GRID2: variants seen among roughly 807,000 people sequenced by gnomAD.
The protein encoded by GRID2 is glutamate ionotropic receptor delta type subunit 2, also known as glutamate receptor ionotropic, delta-2.
In GRID2, 33 loss-of-function variants were observed where a neutral mutation model predicts 114.8. The ratio of observed to expected loss-of-function variants is 0.29; its 90% CI spans 0.22 to 0.38. The LOEUF (loss-of-function observed/expected upper bound fraction) is 0.38. GRID2 is among the 10% of genes least tolerant of loss of function. GRID2 has a pLI of 1.00. For synonymous variants in GRID2, 505 were observed against 449.9 expected (o/e 1.12, Z -1.55); for missense variants, 1,184 against 1,257.7 (o/e 0.94, Z 0.89).
intron 2 of GRID2, among the ~76,000 whole-genome samples, chr4:92,810,740 C>A (rs549503773): frequency 1.3e-5 from 2 of 152,074 alleles, no homozygotes; most frequent in South Asian, 4.2e-4. Context: ...TAGCAGGAAT[C>A]AAGGTTTTAA....
intron 2 of GRID2, among the ~76,000 whole-genome samples, chr4:92,901,566 G>A (rs758258352): frequency 6.6e-6 from 1 of 151,986 alleles, no homozygotes; most frequent in Non-Finnish European, 1.5e-5. Flanking sequence ...ATTTACCTAG[G>A]CCAATGTCCA....
rs1402682228 is a variant in GRID2 at position 93,774,226 on chromosome 4, A to C, written c.*1728A>C. On this transcript the variant is annotated 3_prime_UTR_variant, in exon 16 of 16. Transcript: ENST00000282020. ...ACTGTGTAAGGCAGAAAAATTTCTT[A>C]TCATGCAAAAACCATTTTGTTTCCA... 6.6e-6 allele frequency: 1 copy of C among 152,116 alleles called. No individual in the cohort carries two copies. The highest frequency in any genetic ancestry group is 2.4e-5 in the African/African-American group (1 of 41,434). The allele number at this position is 152,116 out of a possible 1,614,324, so 9.4% of individuals were successfully genotyped here. A position where few individuals can be genotyped will look rare whatever the true frequency, so the allele number is the denominator to read the frequency against.
chr4:93,418,791 AC>A lies in GRID2; in HGVS notation c.1348-3978del, dbSNP rs1323129539. Reference sequence around the variant, plus strand: ...ATCATGTTACACCTAAAGTAATATTACCTTTTTCTAGAGAGGATTGTGTTTT... The same window carrying A: ...ATCATGTTACACCTAAAGTAATATTACTTTTTCTAGAGAGGATTGTGTTTT... On this transcript the variant is annotated intron_variant, in intron 9 of 15. Coordinates refer to ENST00000282020, the MANE Select transcript of GRID2 (RefSeq NM_001510.4). 3.3e-5 allele frequency among the ~76,000 whole-genome samples: 5 copies of A among 152,166 alleles called. No individual in the cohort carries two copies. In the East Asian group the frequency reaches 9.7e-4, roughly 29 times the overall value.
chr4:93,763,967 G>T (rs533366457), intron 14 of GRID2, among the ~76,000 whole-genome samples: 1 of 152,274 alleles, frequency 6.6e-6, no homozygotes, highest in East Asian at 1.9e-4. Flanking sequence ...GACAGCGATG[G>T]TATTTAAGGA....
chr4:93,097,005 G>T (rs1171695768), intron 3 of GRID2, among the ~76,000 whole-genome samples: 1 of 151,966 alleles, frequency 6.6e-6, no homozygotes, highest in Non-Finnish European at 1.5e-5. Context: ...AAGAAACACT[G>T]AGTTAAGTGA....
chr4:93,481,401 G>A (rs1725849316), intron 11 of GRID2, among the ~76,000 whole-genome samples: 1 of 152,058 alleles, frequency 6.6e-6, no homozygotes, highest in Non-Finnish European at 1.5e-5. Flanking sequence ...CTGTGCTACA[G>A]TCAAGCCTTA....
intron 2 of GRID2, among the ~76,000 whole-genome samples, chr4:92,795,006 C>G (rs1739793329): frequency 6.7e-6 from 1 of 149,982 alleles, no homozygotes; most frequent in Admixed American, 6.7e-5. Flanking sequence ...AAAATATATT[C>G]ACTATTAATT....
intron 2 of GRID2, among the ~76,000 whole-genome samples, chr4:92,891,510 G>A (rs985824538): frequency 6.6e-6 from 1 of 152,132 alleles, no homozygotes; most frequent in African/African-American, 2.4e-5. Flanking sequence ...AAGAAAGGGA[G>A]AGGTTGCCTT....
intron 2 of GRID2, among the ~76,000 whole-genome samples, chr4:92,844,735 A>G (rs1330177641): frequency 6.6e-6 from 1 of 151,858 alleles, no homozygotes; most frequent in East Asian, 1.9e-4. Flanking sequence ...GAAAAAAAAA[A>G]GATTGAATTT....
At chr4:92,954,033 T>C (rs1752210387) in intron 2 of GRID2, among the ~76,000 whole-genome samples, 1 of 152,168 alleles carries the variant, frequency 6.6e-6, no homozygotes, top group Admixed American at 6.6e-5. Flanking sequence ...TTTAACAGTT[T>C]TCTCATTGGT....
intron 2 of GRID2, among the ~76,000 whole-genome samples, chr4:93,074,238 T>C (rs954713044): frequency 9.9e-5 from 15 of 152,152 alleles, no homozygotes; most frequent in African/African-American, 2.9e-4. Context: ...AACAGCCTGG[T>C]AGGAGGAGAG....
In GRID2 at chr4:93,598,230, T is replaced by C. The variant is rs569472681; in HGVS notation, c.2194-28039T>C. ...ACTCTGTGTTCTTAGATCCAAATGA[T>C]ATCACTTATTGTTATAGCTTCCATT... On this transcript the variant is annotated intron_variant, in intron 13 of 15. Coordinates refer to ENST00000282020, the MANE Select transcript of GRID2 (RefSeq NM_001510.4). Among the ~76,000 whole-genome samples, 24 of 152,330 alleles carry C rather than the reference T, an allele frequency of 1.6e-4. No homozygotes were observed. The South Asian group carries it at 4.8e-3, about 30-fold the overall frequency.
intron 14 of GRID2, among the ~76,000 whole-genome samples, chr4:93,652,431 A>C (rs1722658510): frequency 6.6e-6 from 1 of 152,072 alleles, no homozygotes; most frequent in Non-Finnish European, 1.5e-5. Context: ...ATAATACTGC[A>C]TTTTTCTCGT....
At chr4:93,700,518 C>T (rs1727419836) in intron 14 of GRID2, among the ~76,000 whole-genome samples, 3 of 152,052 alleles carry the variant, frequency 2.0e-5, no homozygotes. Context: ...TACTTCATCA[C>T]TCATTTTTCA....
intron 2 of GRID2, among the ~76,000 whole-genome samples, chr4:92,880,788 C>CCAGAGG (rs1745947105): frequency 6.6e-6 from 1 of 152,160 alleles, no homozygotes; most frequent in Non-Finnish European, 1.5e-5. Flanking sequence ...ATGACGCTAT[C>CCAGAGG]TTGGCTGGCT....
chr4:92,573,844 T>C (rs986660059), intron 1 of GRID2, among the ~76,000 whole-genome samples: 1 of 152,104 alleles, frequency 6.6e-6, no homozygotes, highest in African/African-American at 2.4e-5. Context: ...GATCCAGAGC[T>C]GAGTTCATGT....
chr4:92,694,023 G>A (rs185116731), intron 2 of GRID2, among the ~76,000 whole-genome samples: 1 of 152,194 alleles, frequency 6.6e-6, no homozygotes, highest in Admixed American at 6.5e-5. Flanking sequence ...GACAGATTGA[G>A]GATTTGTGTG....
chr4:92,476,186 C>T (rs1206376691), intron 1 of GRID2, among the ~76,000 whole-genome samples: 3 of 151,804 alleles, frequency 2.0e-5, no homozygotes, highest in East Asian at 3.9e-4. Flanking sequence ...GCACCATGCC[C>T]GGCTAACTTT....
At chr4:93,379,871 C>G (rs951369029) in intron 8 of GRID2, among the ~76,000 whole-genome samples, 2 of 152,046 alleles carry the variant, frequency 1.3e-5, no homozygotes, top group African/African-American at 2.4e-5. Context: ...AATTGAGATA[C>G]ACAAAGCATC....
Sources: allele counts gnomAD v4.1 joint callset (sites outside exome capture counted in the v4.1 genomes callset), GRCh38; gene constraint gnomAD v4.1.1; transcripts MANE v1.5; gene names NCBI Gene and HGNC (gene_info 2026-07-23, HGNC 2026-07-21).